Variants in GRM1 observed in about 807,000 individuals in gnomAD.
GRM1 encodes metabotropic glutamate receptor 1.
GRM1 carries 33 observed loss-of-function variants against 90.9 expected under a neutral mutation model. The observed-to-expected ratio is 0.36, with a 90% CI of 0.28 to 0.49. GRM1 has a LOEUF of 0.49. GRM1 is among the 20% of genes least tolerant of loss of function. The pLI is 0.99. For synonymous variants in GRM1, 700 were observed against 613.2 expected, an observed-to-expected ratio of 1.14 and a Z score of -2.09; for missense variants, 1,190 against 1,534.3, an observed-to-expected ratio of 0.78 and a Z score of 3.75.
At chr6:146,033,673 A>C (rs1790783241) in intron 1 of GRM1, among the ~76,000 whole-genome samples, 1 of 151,932 alleles carries the variant, frequency 6.6e-6, no homozygotes, top group African/African-American at 2.4e-5. Context: ...TTTTCTTTCC[A>C]GTTAGATTTT....
chr6:146,240,122 C>G (rs1390771247), intron 2 of GRM1, among the ~76,000 whole-genome samples: 2 of 152,028 alleles, frequency 1.3e-5, no homozygotes, highest in Admixed American at 1.3e-4. Flanking sequence ...CCATCTCTTC[C>G]CTTCACAATA....
At chr6:146,406,766 G>A (rs781721369) in intron 7 of GRM1, among the ~76,000 whole-genome samples, 6 of 152,062 alleles carry the variant, frequency 3.9e-5, no homozygotes, top group East Asian at 1.9e-4. Flanking sequence ...CCTAGGAGGC[G>A]AAGGTTGCAG....
chr6:146,424,175 G>A (rs1778111666), intron 7 of GRM1, among the ~76,000 whole-genome samples: 1 of 152,232 alleles, frequency 6.6e-6, no homozygotes, highest in Non-Finnish European at 1.5e-5. Context: ...AGACACCTAA[G>A]GTATCTGGAT....
At chr6:146,406,946 T>G (rs1047743401) in intron 7 of GRM1, among the ~76,000 whole-genome samples, 2 of 152,110 alleles carry the variant, frequency 1.3e-5, no homozygotes, top group African/African-American at 4.8e-5. Context: ...AGCATGCACA[T>G]CTGTTCTGTG....
chr6:146,248,119 C>T (rs954976601), intron 2 of GRM1, among the ~76,000 whole-genome samples: 3 of 152,026 alleles, frequency 2.0e-5, no homozygotes, highest in East Asian at 1.9e-4. Flanking sequence ...TCCTCCTTTG[C>T]TTCCTCCCTT....
At chr6:146,139,578 T>C (rs2128883160) in intron 1 of GRM1, among the ~76,000 whole-genome samples, 1 of 152,334 alleles carries the variant, frequency 6.6e-6, no homozygotes, top group Middle Eastern at 3.4e-3. Context: ...TCCTTGTCTC[T>C]TTTTATAGTT....
intron 2 of GRM1, among the ~76,000 whole-genome samples, chr6:146,187,618 A>G (rs1224401571): frequency 6.6e-6 from 1 of 152,046 alleles, no homozygotes; most frequent in Non-Finnish European, 1.5e-5. Context: ...AGGCAAAGAC[A>G]TATTTCACGG....
intron 3 of GRM1, among the ~76,000 whole-genome samples, chr6:146,330,679 T>C (rs1430152529): frequency 2.0e-5 from 3 of 152,340 alleles, no homozygotes; most frequent in East Asian, 1.9e-4. Context: ...GTTACTTTTG[T>C]TTATAATGTT....
intron 1 of GRM1, among the ~76,000 whole-genome samples, chr6:146,097,537 G>T (rs1349253214): frequency 6.6e-6 from 1 of 152,158 alleles, no homozygotes; most frequent in Non-Finnish European, 1.5e-5. Context: ...TCTGTCTCAC[G>T]TTATAGCCAG....
chr6:146,355,727 G>T (rs1410748568), intron 4 of GRM1, among the ~76,000 whole-genome samples: 1 of 152,182 alleles, frequency 6.6e-6, no homozygotes, highest in South Asian at 2.1e-4. Flanking sequence ...TGCCAACTTA[G>T]TTTGATTGGC....
At chr6:146,276,002 G>C (rs1023060161) in intron 2 of GRM1, among the ~76,000 whole-genome samples, 2 of 152,172 alleles carry the variant, frequency 1.3e-5, no homozygotes, top group African/African-American at 4.8e-5. Flanking sequence ...GGCAGAGAGA[G>C]AGAGAGAGAG....
chr6:146,101,415 GAACCCA>G (rs1777045134), intron 1 of GRM1, among the ~76,000 whole-genome samples: 1 of 151,862 alleles, frequency 6.6e-6, no homozygotes, highest in African/African-American at 2.4e-5. Context: ...AACATAATTT[GAACCCA>G]TTATGTACCC....
chr6:146,248,792 A>G (rs1781166031), intron 2 of GRM1, among the ~76,000 whole-genome samples: 1 of 152,184 alleles, frequency 6.6e-6, no homozygotes, highest in Non-Finnish European at 1.5e-5. Context: ...CTTCCTAGAG[A>G]CTTGTTGAAT....
chr6:146,084,129 T>C (rs1776460989), intron 1 of GRM1, among the ~76,000 whole-genome samples: 1 of 152,168 alleles, frequency 6.6e-6, no homozygotes, highest in Non-Finnish European at 1.5e-5. Flanking sequence ...TCTCTTTTCT[T>C]CTTTATTACT....
chr6:146,314,240 T>TG (rs1783880752), intron 3 of GRM1, among the ~76,000 whole-genome samples: 1 of 151,290 alleles, frequency 6.6e-6, no homozygotes, highest in Non-Finnish European at 1.5e-5. Context: ...TTAATTTTTT[T>TG]TTTTTTGGTA....
intron 2 of GRM1, among the ~76,000 whole-genome samples, chr6:146,229,190 G>T (rs899993209): frequency 6.6e-6 from 1 of 151,426 alleles, no homozygotes; most frequent in Non-Finnish European, 1.5e-5. Flanking sequence ...CTCCATGTTG[G>T]TCAGGCTGGT....
At chr6:146,403,832 GAC>G (rs773496634) in intron 7 of GRM1, among the ~76,000 whole-genome samples, 1 of 151,884 alleles carries the variant, frequency 6.6e-6, no homozygotes, top group Non-Finnish European at 1.5e-5. Flanking sequence ...ATTTTTAATT[GAC>G]ACATAATAAC....
chr6:146,193,718 A>G (rs1779011390), intron 2 of GRM1, among the ~76,000 whole-genome samples: 1 of 152,118 alleles, frequency 6.6e-6, no homozygotes, highest in African/African-American at 2.4e-5. Flanking sequence ...TGTTTTTAAA[A>G]TGCATTCTAG....
chr6:146,285,133 G>A (rs1284656265), intron 2 of GRM1, among the ~76,000 whole-genome samples: 1 of 152,068 alleles, frequency 6.6e-6, no homozygotes, highest in Non-Finnish European at 1.5e-5. Context: ...TCCTTTGATG[G>A]AGGCATGTAC....
Sources: allele counts gnomAD v4.1 joint callset (sites outside exome capture counted in the v4.1 genomes callset), GRCh38; gene constraint gnomAD v4.1.1; transcripts MANE v1.5; gene names NCBI Gene and HGNC (gene_info 2026-07-23, HGNC 2026-07-21).